Variants in CEP350 observed in about 807,000 individuals in gnomAD.
CEP350 encodes centrosome-associated protein 350.
In CEP350, 126 loss-of-function variants were observed where a neutral mutation model predicts 331.8. The ratio of observed to expected loss-of-function variants is 0.38; its 90% confidence interval spans 0.33 to 0.44. CEP350 has a LOEUF of 0.44. CEP350 is among the 20% of genes least tolerant of loss of function. The pLI is 1.00. For missense variants in CEP350, 3,406 were observed against 3,634.6 expected, an observed-to-expected ratio of 0.94 and a Z score of 1.62; for synonymous variants, 1,200 against 1,259.5, an observed-to-expected ratio of 0.95 and a Z score of 1.00.
intron 7 of CEP350, 23 bp downstream of exon 7, chr1:180,003,310 T>C: frequency 7.1e-7 from 1 of 1,405,006 alleles, no homozygotes; most frequent in Admixed American, 2.0e-5. Flanking sequence ...CTTTCTTATG[T>C]TTTGAGTATT....
At chr1:179,974,301 C>T (rs557080450) in intron 1 of CEP350, among the ~76,000 whole-genome samples, 6 of 152,148 alleles carry the variant, frequency 3.9e-5, no homozygotes, top group South Asian at 4.2e-4. Context: ...AGGATGGTCT[C>T]GATCTCCTGA....
Position 180,065,148 on chromosome 1 carries a change from A to G in CEP350, c.5443A>G (p.Lys1815Glu), listed in dbSNP as rs1658474176. Residue 1815 changes from lysine (K) to glutamate (E), a missense_variant, in exon 27 of 38, where the codon AAG becomes GAG. Around this residue, in one of 5 missense-constraint regions of CEP350, gnomAD observed 1,415 missense variants for 1,512.3 expected, o/e 0.94. Transcript: ENST00000367607. ...TAGTGATGATGATACAAAGGATAAT[A>G]AGGCAACCAGTCCTGGTCCAACTGA... ...SHSDDDTKDN[K>E]ATSPGPTDLE... The G allele has an allele frequency of 1.2e-6, 2 of 1,611,202 alleles. No individual in the cohort carries two copies.
chr1:180,103,922 T>G (rs1660978481), intron 37 of CEP350, among the ~76,000 whole-genome samples: 1 of 145,486 alleles, frequency 6.9e-6, no homozygotes, highest in African/African-American at 2.5e-5. Flanking sequence ...AATTTATATT[T>G]TATATACAAA....
chr1:180,089,726 G>GCTT (rs1660061049), intron 32 of CEP350, among the ~76,000 whole-genome samples: 1 of 152,172 alleles, frequency 6.6e-6, no homozygotes, highest in Non-Finnish European at 1.5e-5. Context: ...TCTGTGGGAG[G>GCTT]CTTATGATTT....
At chr1:180,070,058 A>G (rs530977098) in intron 27 of CEP350, among the ~76,000 whole-genome samples, 2 of 152,316 alleles carry the variant, frequency 1.3e-5, no homozygotes, top group South Asian at 4.1e-4. Flanking sequence ...TGTAAATTAG[A>G]TGAATGTTTT....
intron 8 of CEP350, among the ~76,000 whole-genome samples, chr1:180,008,339 T>TA (rs1654396814): frequency 6.6e-6 from 1 of 152,178 alleles, no homozygotes; most frequent in Non-Finnish European, 1.5e-5. Flanking sequence ...TTCTCATATG[T>TA]AAAATGGGAA....
At chr1:180,022,968 A>G (rs1266201743) in intron 13 of CEP350, 120 bp downstream of exon 13, 3 of 847,204 alleles carry the variant, frequency 3.5e-6, no homozygotes, top group South Asian at 4.3e-5. Flanking sequence ...GAGGCTGCAC[A>G]TCATAGTGGA....
chr1:180,020,565 G>A lies in CEP350; in HGVS notation c.2791G>A (p.Ala931Thr). ...KLPEMIRPQS[A>T]ISSFRVRSPG... is the part of the protein sequence containing the mutation. ...TCCTGAGATGATAAGACCACAGAGT[G>A]CCATATCAAGCTTTAGAGTGAGATC... The change falls in exon 12 of 38, where the codon GCC (alanine) becomes ACC (threonine). Residue 931 changes from alanine to threonine, a missense_variant. By Grantham distance (58) the Ala-to-Thr change is moderately conservative. Transcript: ENST00000367607. 2 of 1,613,984 alleles carry A rather than the reference G, an allele frequency of 1.2e-6. No individual in the cohort carries two copies. The highest frequency in any genetic ancestry group is 2.2e-5 in the East Asian group (1 of 44,880).
In CEP350 at chr1:180,014,437, T is replaced by C; in HGVS notation, c.1984T>C (p.Ser662Pro). The C allele has an allele frequency of 1.2e-6, 2 of 1,609,316 alleles. No homozygotes were observed. Among genetic ancestry groups the C allele is most frequent in the Non-Finnish European group, 1.7e-6 (2 of 1,178,114 alleles). Residue 662 changes from serine (S) to proline (P), a missense_variant, in exon 10 of 38, where the codon TCC becomes CCC. Coordinates refer to ENST00000367607, the MANE Select transcript of CEP350 (RefSeq NM_014810.5). Reference protein sequence around the residue: ...SATRRLQETYSKLLLEKTLLE... With the variant: ...SATRRLQETYPKLLLEKTLLE... ...AACTAGGCGACTACAGGAAACTTACTCCAAATTGCTACTAGAAAAGACCTT... is the reference window on the plus strand; with the variant it reads ...AACTAGGCGACTACAGGAAACTTACCCCAAATTGCTACTAGAAAAGACCTT...
At chr1:180,057,273 G>C (rs1657912870) in intron 25 of CEP350, among the ~76,000 whole-genome samples, 1 of 151,514 alleles carries the variant, frequency 6.6e-6, no homozygotes, top group Admixed American at 6.6e-5. Context: ...TAATTTTTTT[G>C]TATTTTTAGT....
At chr1:180,091,776 G>T (rs1157823160) in intron 33 of CEP350, among the ~76,000 whole-genome samples, 2 of 151,522 alleles carry the variant, frequency 1.3e-5, no homozygotes, top group African/African-American at 4.9e-5. Context: ...TCTACAGCGA[G>T]TTGTGATCAG....
chr1:180,010,252 A>C (rs1052036738), intron 8 of CEP350, among the ~76,000 whole-genome samples: 2 of 152,078 alleles, frequency 1.3e-5, no homozygotes, highest in Non-Finnish European at 2.9e-5. Flanking sequence ...GTATTTAGTT[A>C]CTTCCGATAC....
chr1:179,969,891 G>A (rs1651309933), intron 1 of CEP350, among the ~76,000 whole-genome samples: 1 of 152,088 alleles, frequency 6.6e-6, no homozygotes, highest in African/African-American at 2.4e-5. Flanking sequence ...TATGTATAAG[G>A]GAAAATTTTA....
At chr1:180,023,553 T>C (rs988331970) in intron 13 of CEP350, among the ~76,000 whole-genome samples, 6 of 152,212 alleles carry the variant, frequency 3.9e-5, no homozygotes, top group African/African-American at 1.4e-4. Flanking sequence ...ACAATAATTA[T>C]AATGATTATA....
At chr1:179,989,075 A>T (rs1358311622) in intron 3 of CEP350, among the ~76,000 whole-genome samples, 1 of 152,122 alleles carries the variant, frequency 6.6e-6, no homozygotes, top group Admixed American at 6.6e-5. Context: ...ATGATAAAGG[A>T]ATATAAGTAG....
chr1:179,982,516 C>T (rs1215135680), intron 1 of CEP350, among the ~76,000 whole-genome samples: 2 of 152,036 alleles, frequency 1.3e-5, no homozygotes, highest in Non-Finnish European at 2.9e-5. Flanking sequence ...TAAATTTTCT[C>T]TTGTTTATTC....
intron 30 of CEP350, among the ~76,000 whole-genome samples, chr1:180,082,194 A>G (rs541194329): frequency 5.3e-5 from 8 of 152,348 alleles, no homozygotes; most frequent in East Asian, 3.9e-4. Context: ...TTTGTAAGAT[A>G]CTGTTTTATT....
At chr1:180,040,392 G>A (rs2148914356) in intron 17 of CEP350, among the ~76,000 whole-genome samples, 1 of 152,106 alleles carries the variant, frequency 6.6e-6, no homozygotes, top group African/African-American at 2.4e-5. Flanking sequence ...TTTGGGCAGA[G>A]CATTACCACA....
At chr1:180,035,697 GT>G (rs1404591556) in intron 16 of CEP350, among the ~76,000 whole-genome samples, 1 of 151,978 alleles carries the variant, frequency 6.6e-6, no homozygotes, top group Admixed American at 6.6e-5. Flanking sequence ...TTTTCAAAGT[GT>G]TTTTTTCAGA....
Sources: gnomAD v4.1 joint callset for allele counts (sites outside exome capture counted in the v4.1 genomes callset) on GRCh38, gnomAD v4.1.1 for gene constraint, gnomAD v4.1.1 regional missense constraint, MANE v1.5 for transcripts, NCBI Gene and HGNC (gene_info 2026-07-23, HGNC 2026-07-21) for gene names.